The following LRIG1 variants were observed in gnomAD, a reference collection of about 807,000 sequenced individuals.
LRIG1 encodes leucine-rich repeats and immunoglobulin-like domains protein 1.
Under a neutral mutation model 99.2 loss-of-function variants are expected in LRIG1, and 48 were observed. That is an observed-to-expected ratio of 0.48 (90% CI 0.38 to 0.62). LRIG1 has a LOEUF of 0.62. Among genes scored for constraint, LRIG1 ranks in the 20% least tolerant of loss-of-function variants. The pLI is 0.00. For missense variants in LRIG1, 1,646 were observed against 1,434.4 expected (o/e 1.15, Z -2.38); for synonymous variants, 772 against 596.1 (o/e 1.29, Z -4.30).
chr3:66,409,746 G>T (rs1413456176), intron 7 of LRIG1: 1 of 169,274 alleles, frequency 5.9e-6, no homozygotes, highest in African/African-American at 2.4e-5. Context: ...TATTTGGTGT[G>T]GCCATTAACA....
chr3:66,445,486 G>C (rs571293463), intron 3 of LRIG1, among the ~76,000 whole-genome samples: 2 of 152,258 alleles, frequency 1.3e-5, no homozygotes, highest in East Asian at 3.9e-4. Context: ...TCCGAAGGAA[G>C]GATGGGGCAA....
At chr3:66,470,803 G>T (rs1395447920) in intron 1 of LRIG1, among the ~76,000 whole-genome samples, 2 of 152,046 alleles carry the variant, frequency 1.3e-5, no homozygotes, top group African/African-American at 2.4e-5. Flanking sequence ...CCTTAAAATG[G>T]GAGATTCTAG....
At chr3:66,407,962 G>A (rs1019872757) in intron 7 of LRIG1, among the ~76,000 whole-genome samples, 9 of 152,228 alleles carry the variant, frequency 5.9e-5, no homozygotes, top group Non-Finnish European at 1.3e-4. Context: ...TAGCCCCTGC[G>A]TGGGACAACC....
chr3:66,441,535 A>G (rs1337407084), intron 3 of LRIG1, among the ~76,000 whole-genome samples: 1 of 152,216 alleles, frequency 6.6e-6, no homozygotes, highest in African/African-American at 2.4e-5. Context: ...AAAGAAAATC[A>G]TACCAAGAGC....
At chr3:66,399,355 A>G (rs77570019) in intron 9 of LRIG1, among the ~76,000 whole-genome samples, 6,437 of 152,288 alleles carry the variant, frequency 0.042, 452 homozygotes, top group African/African-American at 0.14. Context: ...TGTCTGGCCC[A>G]GTCTCTCTCC....
chr3:66,419,698 A>C (rs1702743090), intron 3 of LRIG1, among the ~76,000 whole-genome samples: 1 of 152,060 alleles, frequency 6.6e-6, no homozygotes, highest in African/African-American at 2.4e-5. Context: ...AGATGGCGGC[A>C]ATACAGAGAC....
chr3:66,476,851 C>T (rs1700733169), intron 1 of LRIG1, among the ~76,000 whole-genome samples: 1 of 152,200 alleles, frequency 6.6e-6, no homozygotes, highest in South Asian at 2.1e-4. Context: ...TCTGGATCCT[C>T]TGTGCAGCCC....
intron 3 of LRIG1, among the ~76,000 whole-genome samples, chr3:66,418,047 C>G (rs1274465111): frequency 1.3e-5 from 2 of 152,074 alleles, no homozygotes; most frequent in Non-Finnish European, 2.9e-5. Flanking sequence ...TCACCACCTC[C>G]CAAGACAGGA....
rs200269055 is a variant in LRIG1 at position 66,381,529 on chromosome 3, G to C, written c.2720C>G (p.Pro907Arg). The C allele has an allele frequency of 1.9e-6, 3 of 1,614,032 alleles. No homozygotes were observed. The highest frequency in any genetic ancestry group is 3.3e-5 in the Admixed American group (2 of 60,028). Residue 907 changes from proline (P) to arginine (R), a missense_variant, in exon 17 of 19, where the codon CCG becomes CGG. Pro to Arg is a moderately radical substitution (Grantham distance 103). Transcript: ENST00000273261. ...TTCAGCTTTCTCCATCGCTTTCCAC[G>C]GCTCTTTGTGATACGCAGACCCAGC... is the stretch of plus-strand genomic sequence containing the variant. ...LCAGSAYHKEPWKAMEKAEGT... is the reference protein window; with the variant it reads ...LCAGSAYHKERWKAMEKAEGT...
At chr3:66,387,523 GTCCA>G (rs1701434885) in intron 12 of LRIG1, 1 of 152,158 alleles carries the variant, frequency 6.6e-6, no homozygotes, top group African/African-American at 2.4e-5. Context: ...TATAGCCTTT[GTCCA>G]GGAAAAGTCA....
At chr3:66,408,431 C>T (rs1055436680) in intron 7 of LRIG1, among the ~76,000 whole-genome samples, 1 of 152,196 alleles carries the variant, frequency 6.6e-6, no homozygotes, top group African/African-American at 2.4e-5. Flanking sequence ...CTGAGGTTAC[C>T]TGGATATGGT....
chr3:66,439,678 T>C (rs545331067), intron 3 of LRIG1, among the ~76,000 whole-genome samples: 1 of 152,304 alleles, frequency 6.6e-6, no homozygotes, highest in Admixed American at 6.5e-5. Context: ...GAGAGTTTTT[T>C]CCACCATCAT....
chr3:66,495,556 C>A (rs537150257), intron 1 of LRIG1, among the ~76,000 whole-genome samples: 1 of 152,128 alleles, frequency 6.6e-6, no homozygotes, highest in Non-Finnish European at 1.5e-5. Context: ...TTTAAACAAA[C>A]GAGGAAAAGA....
chr3:66,462,613 C>T, intron 1 of LRIG1, 104 bp from the exon 2 acceptor site: 1 of 767,742 alleles, frequency 1.3e-6, no homozygotes, highest in Non-Finnish European at 2.3e-6. Flanking sequence ...CAAATCCAAG[C>T]CCCCATCCCA....
rs754658428 is a variant in LRIG1, at chr3:66,381,589, G to C, written c.2660C>G (p.Thr887Ser). 6.2e-7 allele frequency: 1 copy of C among 1,614,126 alleles called. No individual in the cohort carries two copies. Among genetic ancestry groups the C allele is most frequent in the East Asian group, 2.2e-5 (1 of 44,880 alleles). The change falls in exon 17 of 19, where the codon ACT becomes AGT. Residue 887 changes from threonine (T) to serine (S), a missense_variant. Thr to Ser is a moderately conservative substitution (Grantham distance 58). Coordinates refer to ENST00000273261, the MANE Select transcript of LRIG1 (RefSeq NM_015541.3). ...TGGCTGCCTGCAGGCAACGCTGTGA[G>C]TGTCGGGCTCTGGAAAGTGGCTTGC... is the stretch of plus-strand genomic sequence containing the variant. ...RDASHFPEPD[T>S]HSVACRQPKL...
At chr3:66,386,420 C>T in intron 12 of LRIG1, 119 bp from the exon 13 acceptor site, 2 of 806,638 alleles carry the variant, frequency 2.5e-6, no homozygotes, top group Non-Finnish European at 4.1e-6. Context: ...CTTGAGGTCC[C>T]TGTGCATCCT....
chr3:66,389,093 AAT>A (rs963786770), intron 12 of LRIG1, among the ~76,000 whole-genome samples: 1 of 152,230 alleles, frequency 6.6e-6, no homozygotes, highest in Non-Finnish European at 1.5e-5. Flanking sequence ...AACACAAAGG[AAT>A]AAAACTGGAT....
chr3:66,499,236 A>G (rs9847774), intron 1 of LRIG1, among the ~76,000 whole-genome samples: 2,382 of 152,232 alleles, frequency 0.016, 63 homozygotes, highest in African/African-American at 0.054. Flanking sequence ...TTTCCTGTCA[A>G]ATCTCCTGTA....
At chr3:66,401,078 C>T (rs1202230231) in intron 9 of LRIG1, among the ~76,000 whole-genome samples, 2 of 152,210 alleles carry the variant, frequency 1.3e-5, no homozygotes, top group Admixed American at 6.5e-5. Flanking sequence ...TTCCTGCCTC[C>T]GGACGGTGAA....
Sources: gnomAD v4.1 joint callset for allele counts (sites outside exome capture counted in the v4.1 genomes callset) on GRCh38, gnomAD v4.1.1 for gene constraint, MANE v1.5 for transcripts, NCBI Gene and HGNC (gene_info 2026-07-23, HGNC 2026-07-21) for gene names.